Variants in POLE observed in about 807,000 individuals in gnomAD.
POLE encodes the protein DNA polymerase epsilon, catalytic subunit, also known as DNA polymerase epsilon catalytic subunit A.
A neutral mutation model predicts 279.2 loss-of-function variants in POLE; 188 were observed. The ratio of observed to expected loss-of-function variants is 0.67; its 90% CI spans 0.60 to 0.76. The LOEUF (loss-of-function observed/expected upper bound fraction) is 0.76. POLE is among the 30% of genes least tolerant of loss of function. POLE has a pLI of 0.00. For synonymous variants in POLE, 1,214 were observed against 1,172.5 expected (o/e 1.04, Z -0.72); for missense variants, 2,703 against 3,016.7 (o/e 0.90, Z 2.44).
In POLE at chr12:132,623,836, A is replaced by G; in HGVS notation, c.*861T>C. The G allele has an allele frequency of 1.0e-5, 2 of 195,336 alleles. No individual in the cohort carries two copies. The highest frequency in any genetic ancestry group is 2.1e-5 in the Non-Finnish European group (2 of 93,900). 12.1% of individuals were successfully genotyped at this position (195,336 alleles called of 1,614,324 possible). On this transcript the variant is annotated 3_prime_UTR_variant, in exon 49 of 49. Coordinates refer to ENST00000320574, the MANE Select transcript of POLE (RefSeq NM_006231.4). ...CTCAGACAGTAGATGGCAGGGACAA[A>G]CTAAGGCTGGCTCTGGGCCAAAGAC...
intron 29 of POLE, chr12:132,650,291 G>C (rs1469783945): frequency 5.0e-6 from 1 of 200,698 alleles, no homozygotes; most frequent in African/African-American, 2.3e-5. Flanking sequence ...ACCTGAAATG[G>C]GATGTTCGTT....
In POLE at chr12:132,643,491, G is replaced by A. The variant is rs1060500842; in HGVS notation, c.4360C>T (p.His1454Tyr). 2 of 1,614,086 alleles carry A rather than the reference G, an allele frequency of 1.2e-6. No homozygotes were observed. Among genetic ancestry groups the A allele is most frequent in the Admixed American group, 1.7e-5 (1 of 60,010 alleles). Residue 1454 changes from histidine to tyrosine, a missense_variant, in exon 34 of 49, where the codon CAC becomes TAC. By Grantham distance (83) the His-to-Tyr change is moderately conservative. Coordinates refer to ENST00000320574, the MANE Select transcript of POLE (RefSeq NM_006231.4). ...GTCTCTGCTTCCCAGCCTGAAAGGT[G>A]CCTCACCAGCTGTTTATTGACCACA... ...VCVVNKQLVR[H>Y]LSGWEAETFA...
rs2042151724 is a variant in POLE at position 132,641,846 on chromosome 12, C to T, written c.5179G>A (p.Val1727Met). The change falls in exon 39 of 49, where the codon GTG becomes ATG. Residue 1727 changes from valine to methionine, a missense_variant. Physicochemically the swap from Val to Met is conservative, Grantham distance 21. Coordinates refer to ENST00000320574, the MANE Select transcript of POLE (RefSeq NM_006231.4). ...GCCAGGTTCTGAAGGTCCAGCTCCA[C>T]ACACACTGCACAGGAAGACGCCATG... Reference protein sequence around the residue: ...NSSGCYSTVCVELDLQNLAVN... With the variant: ...NSSGCYSTVCMELDLQNLAVN... 2 of 1,599,784 alleles carry T rather than the reference C, an allele frequency of 1.3e-6. No individual in the cohort carries two copies. The highest frequency in any genetic ancestry group is 1.7e-6 in the Non-Finnish European group (2 of 1,179,886).
chr12:132,650,946 T>C (rs1281880081), intron 29 of POLE: 1 of 146,688 alleles, frequency 6.8e-6, no homozygotes, highest in Non-Finnish European at 1.5e-5. Flanking sequence ...CACGATCTCA[T>C]CTCACTGCAA....
intron 29 of POLE, among the ~76,000 whole-genome samples, chr12:132,654,891 C>A (rs961814338): frequency 1.3e-5 from 2 of 152,170 alleles, no homozygotes; most frequent in Non-Finnish European, 2.9e-5. Context: ...AATTTTGTAA[C>A]CTCTTTCTTT....
intron 16 of POLE, among the ~76,000 whole-genome samples, chr12:132,671,822 A>T (rs749826017): frequency 6.6e-6 from 1 of 152,178 alleles, no homozygotes; most frequent in Non-Finnish European, 1.5e-5. Flanking sequence ...CAGATTTTAC[A>T]GTCACTAATC....
chr12:132,625,564 C>G, intron 47 of POLE, 81 bp downstream of exon 47: 1 of 1,566,378 alleles, frequency 6.4e-7, no homozygotes, highest in South Asian at 1.2e-5. Flanking sequence ...TCAGGACCTG[C>G]ACACACCCCG....
intron 20 of POLE, among the ~76,000 whole-genome samples, chr12:132,667,121 T>C (rs1484339058): frequency 6.6e-6 from 1 of 152,150 alleles, no homozygotes; most frequent in African/African-American, 2.4e-5. Flanking sequence ...GTGAATACCA[T>C]AGATGAGAAG....
At position 132,643,644 on chromosome 12, in the gene POLE, T is replaced by G. The variant is rs5744939; in HGVS notation, c.4291-84A>C. Reference sequence around the variant, plus strand: ...ACGTGACTTCTGCCCGGGATGTGGCTGTGCCCCTGCAGCTGCCCGGCCCAC... The same window carrying G: ...ACGTGACTTCTGCCCGGGATGTGGCGGTGCCCCTGCAGCTGCCCGGCCCAC... On this transcript the variant is annotated intron_variant, in intron 33 of 48. Coordinates refer to ENST00000320574, the MANE Select transcript of POLE (RefSeq NM_006231.4). The G allele has an allele frequency of 0.072, 113,194 of 1,580,190 alleles. 4,760 individuals are homozygous for G. Among genetic ancestry groups the G allele is most frequent in the Non-Finnish European group, 0.085 (98,281 of 1,154,106 alleles).
Position 132,677,975 on chromosome 12 carries a change from C to T in POLE, c.579-256G>A, listed in dbSNP as rs5744747. 2.3e-3 allele frequency among the ~76,000 whole-genome samples: 346 copies of T among 151,974 alleles called. 1 individual carries two copies. Among genetic ancestry groups the T allele is most frequent in the Non-Finnish European group, 3.9e-3 (266 of 67,948 alleles). On this transcript the variant is annotated intron_variant, in intron 6 of 48. Coordinates refer to ENST00000320574, the MANE Select transcript of POLE (RefSeq NM_006231.4). ...GGCGGATCACCCGAGGTCAGGAGTT[C>T]GAGACGAGCCTGGCCAACACGACGA...
intron 27 of POLE, 51 bp downstream of exon 27, chr12:132,657,817 T>G: frequency 7.9e-7 from 1 of 1,268,612 alleles, no homozygotes; most frequent in Non-Finnish European, 1.2e-6. Context: ...TTCTGCTCTG[T>G]CTAGCTTTCC....
At chr12:132,676,031 GA>G in intron 10 of POLE, 62 bp downstream of exon 10, 2 of 1,162,416 alleles carry the variant, frequency 1.7e-6, no homozygotes, top group Non-Finnish European at 2.5e-6. Context: ...TGAGGCCTTG[GA>G]AAGATCCACA....
chr12:132,623,948 C>T lies in POLE; in HGVS notation c.*749G>A, dbSNP rs2041777245. On this transcript the variant is annotated 3_prime_UTR_variant, in exon 49 of 49. Transcript: ENST00000320574. ...CTGCATTTCTGATTTACATTTCATA[C>T]TTGTTTGGTGCCCTGTGAAATTGGC... 1.6e-5 allele frequency: 3 copies of T among 188,040 alleles called. No homozygotes were observed. In the South Asian group the frequency reaches 5.9e-4, roughly 37 times the overall value. The allele number at this position is 188,040 out of a possible 1,614,324, so 11.6% of individuals were successfully genotyped here. A position where few individuals can be genotyped will look rare whatever the true frequency, so the allele number is the denominator to read the frequency against.
In POLE at chr12:132,624,451, C is replaced by T. The variant is rs2041788483; in HGVS notation, c.*246G>A. ...AAACGGCGCCCAGGGCACTCGCAGCCTCGCTCACGGCCTGCTTCTTCAGGT... is the reference window on the plus strand; with the variant it reads ...AAACGGCGCCCAGGGCACTCGCAGCTTCGCTCACGGCCTGCTTCTTCAGGT... On this transcript the variant is annotated 3_prime_UTR_variant, in exon 49 of 49. Coordinates refer to ENST00000320574, the MANE Select transcript of POLE (RefSeq NM_006231.4). The T allele has an allele frequency of 7.0e-6, 4 of 573,076 alleles. No homozygotes were observed. In the African/African-American group the frequency reaches 7.5e-5, roughly 11 times the overall value. The allele number at this position is 573,076 out of a possible 1,614,324, so 35.5% of individuals were successfully genotyped here. A position where few individuals can be genotyped will look rare whatever the true frequency, so the allele number is the denominator to read the frequency against.
chr12:132,638,167 G>A, intron 40 of POLE, 28 bp from the exon 41 acceptor site: 3 of 1,610,714 alleles, frequency 1.9e-6, no homozygotes, highest in Non-Finnish European at 2.5e-6. Flanking sequence ...AGTCCGTGGT[G>A]GAGACGCCAC....
chr12:132,686,952 G>T (rs1045186045), intron 1 of POLE, among the ~76,000 whole-genome samples: 17 of 148,464 alleles, frequency 1.1e-4, no homozygotes, highest in Admixed American at 2.0e-4. Context: ...CCCGCCGCGC[G>T]GCAGGTCCCA....
In POLE at chr12:132,677,349, C is replaced by T. The variant is rs2136018351; in HGVS notation, c.801+14G>A. 3 of 1,607,894 alleles carry T rather than the reference C, an allele frequency of 1.9e-6. No homozygotes were observed. The highest frequency in any genetic ancestry group is 2.2e-5 in the South Asian group (2 of 90,974). On this transcript the variant is annotated intron_variant, in intron 8 of 48. Coordinates refer to ENST00000320574, the MANE Select transcript of POLE (RefSeq NM_006231.4). ...TGGAAATTTTAGGATGAAGGTAACA[C>T]AAGCAAAACTTACAGGTCGTTCAAC...
At chr12:132,630,871 C>G (rs2041922155) in intron 45 of POLE, among the ~76,000 whole-genome samples, 3 of 152,232 alleles carry the variant, frequency 2.0e-5, no homozygotes, top group African/African-American at 4.8e-5. Flanking sequence ...TTGCCACACA[C>G]TGCTGAGGAG....
intron 45 of POLE, among the ~76,000 whole-genome samples, chr12:132,631,682 G>C (rs2041936589): frequency 6.6e-6 from 1 of 152,090 alleles, no homozygotes; most frequent in South Asian, 2.1e-4. Flanking sequence ...GCCTTTCCCA[G>C]AAAGGCCTCA....
Sources: allele counts gnomAD v4.1 joint callset (sites outside exome capture counted in the v4.1 genomes callset), GRCh38; gene constraint gnomAD v4.1.1; transcripts MANE v1.5; gene names NCBI Gene and HGNC (gene_info 2026-07-23, HGNC 2026-07-21).